The following NLK variants were observed in gnomAD, a reference collection of about 807,000 sequenced individuals.
NLK encodes the protein nemo like kinase.
NLK carries 11 observed loss-of-function variants against 59.0 expected under a neutral mutation model. That is an observed-to-expected ratio of 0.19 (90% confidence interval 0.12 to 0.31). The LOEUF (loss-of-function observed/expected upper bound fraction) is 0.31. Among genes scored for constraint, NLK ranks in the 10% least tolerant of loss-of-function variants. NLK has a pLI of 1.00. For missense variants in NLK, 410 were observed against 661.1 expected (o/e 0.62, Z 4.16); for synonymous variants, 235 against 235.9 (o/e 1.00, Z 0.03).
intron 1 of NLK, among the ~76,000 whole-genome samples, chr17:28,071,766 A>G (rs543835209): frequency 2.0e-5 from 3 of 152,230 alleles, no homozygotes; most frequent in South Asian, 4.1e-4. Flanking sequence ...TTGGCAGAAC[A>G]GGTCTGGAGA....
chr17:28,114,321 C>T (rs1275029253), intron 1 of NLK, among the ~76,000 whole-genome samples: 2 of 152,136 alleles, frequency 1.3e-5, no homozygotes, highest in African/African-American at 2.4e-5. Context: ...ATAATGTCAA[C>T]TTGTTTTCCA....
chr17:28,067,886 A>G (rs1713297793), intron 1 of NLK, among the ~76,000 whole-genome samples: 1 of 151,768 alleles, frequency 6.6e-6, no homozygotes, highest in Non-Finnish European at 1.5e-5. Context: ...CACACCTATA[A>G]TCCCAGCACT....
intron 3 of NLK, among the ~76,000 whole-genome samples, chr17:28,160,449 G>C (rs537127205): frequency 6.6e-6 from 1 of 152,002 alleles, no homozygotes; most frequent in African/African-American, 2.4e-5. Context: ...TATCTAACAC[G>C]TGCTTCACAA....
intron 1 of NLK, among the ~76,000 whole-genome samples, chr17:28,099,447 G>A (rs528584667): frequency 1.3e-5 from 2 of 152,108 alleles, no homozygotes; most frequent in Non-Finnish European, 2.9e-5. Flanking sequence ...CTCATCTGCA[G>A]CCCCAGGCAA....
At chr17:28,061,252 G>A (rs1364355168) in intron 1 of NLK, among the ~76,000 whole-genome samples, 1 of 152,126 alleles carries the variant, frequency 6.6e-6, no homozygotes, top group Non-Finnish European at 1.5e-5. Flanking sequence ...GTAATTCTAT[G>A]AGCTATTTTT....
intron 1 of NLK, among the ~76,000 whole-genome samples, chr17:28,115,837 A>G (rs926129126): frequency 1.3e-5 from 2 of 151,746 alleles, no homozygotes; most frequent in African/African-American, 4.8e-5. Flanking sequence ...CAGATATTAC[A>G]TATTTTTAAT....
At chr17:28,165,585 T>A (rs1025144246) in intron 5 of NLK, among the ~76,000 whole-genome samples, 34 of 152,222 alleles carry the variant, frequency 2.2e-4, no homozygotes, top group Non-Finnish European at 8.8e-5. Context: ...AAACATTTTT[T>A]AAAAATCAGT....
At chr17:28,204,355 C>A in the NLK span, among the ~76,000 whole-genome samples, 74 of 152,286 alleles carry the variant, frequency 4.9e-4, 2 homozygotes, top group South Asian at 0.015. Context: ...ATCTCACTCC[C>A]TTTAACCTGC....
chr17:28,123,187 T>C (rs546642438), intron 2 of NLK, among the ~76,000 whole-genome samples: 3 of 152,334 alleles, frequency 2.0e-5, no homozygotes, highest in East Asian at 1.9e-4. Context: ...TCAGGAAACG[T>C]TGAACCTATT....
chr17:28,137,716 G>A (rs1480740822), intron 3 of NLK, among the ~76,000 whole-genome samples: 2 of 151,776 alleles, frequency 1.3e-5, no homozygotes, highest in Non-Finnish European at 2.9e-5. Context: ...ATTTAGTGTG[G>A]GTTTTGAAAC....
At chr17:28,194,123 T>C (rs984945669) in intron 10 of NLK, among the ~76,000 whole-genome samples, 1 of 152,360 alleles carries the variant, frequency 6.6e-6, no homozygotes, top group South Asian at 2.1e-4. Flanking sequence ...TTTGAGAGGC[T>C]ACTTTTAAAT....
Position 28,134,414 on chromosome 17 carries a change from A to G in NLK, c.644+1739A>G, listed in dbSNP as rs527858503. Among the ~76,000 whole-genome samples the G allele has an allele frequency of 2.0e-5, 3 of 152,354 alleles. No individual in the cohort carries two copies. In the South Asian group the frequency reaches 6.2e-4, roughly 32 times the overall value. On this transcript the variant is annotated intron_variant, in intron 3 of 10. Transcript: ENST00000407008. ...AGACCTCGCCCTCCCGCCAAAAAAAAGTGATACAAATTAAAAAGCAATATA... is the reference window on the plus strand; with the variant it reads ...AGACCTCGCCCTCCCGCCAAAAAAAGGTGATACAAATTAAAAAGCAATATA...
At chr17:28,139,126 C>T (rs1352914399) in intron 3 of NLK, among the ~76,000 whole-genome samples, 7 of 152,044 alleles carry the variant, frequency 4.6e-5, no homozygotes, top group Admixed American at 3.3e-4. Flanking sequence ...TTTGGTGGCA[C>T]GTGCCAGTAA....
chr17:28,061,855 AAT>A (rs1008279917), intron 1 of NLK: 4 of 144,256 alleles, frequency 2.8e-5, no homozygotes, highest in African/African-American at 1.0e-4. Context: ...TATAATATAT[AAT>A]ATATACATAT....
chr17:28,111,900 T>G (rs1476091199), intron 1 of NLK, among the ~76,000 whole-genome samples: 2 of 99,598 alleles, frequency 2.0e-5, no homozygotes, highest in East Asian at 2.6e-4. Flanking sequence ...GTGTGTGGTG[T>G]GTGTGTGTGT....
In NLK at chr17:28,196,115, T is replaced by C; in HGVS notation, c.*1479T>C. The C allele has an allele frequency of 6.6e-6, 1 of 152,618 alleles. No individual in the cohort carries two copies. Among genetic ancestry groups the C allele is most frequent in the East Asian group, 1.9e-4 (1 of 5,206 alleles). The allele number at this position is 152,618 out of a possible 1,614,324, so 9.5% of individuals were successfully genotyped here. A position where few individuals can be genotyped will look rare whatever the true frequency, so the allele number is the denominator to read the frequency against. ...ACTTCAATGAAGTAATTATTTGCTG[T>C]GAAAGAAACAAACATTGAATTACTA... On this transcript the variant is annotated 3_prime_UTR_variant, in exon 11 of 11. Transcript: ENST00000407008.
chr17:28,103,336 T>C (rs1904966763), intron 1 of NLK, among the ~76,000 whole-genome samples: 1 of 152,236 alleles, frequency 6.6e-6, no homozygotes, highest in South Asian at 2.1e-4. Context: ...CTTTTTGCAC[T>C]CAAACTTTCT....
At chr17:28,189,473 G>A (rs1909237157) in intron 8 of NLK, among the ~76,000 whole-genome samples, 1 of 152,218 alleles carries the variant, frequency 6.6e-6, no homozygotes, top group African/African-American at 2.4e-5. Context: ...GCACAGTGGT[G>A]TAAGTGTGAA....
chr17:28,144,923 A>G (rs1907179796), intron 3 of NLK, among the ~76,000 whole-genome samples: 1 of 152,222 alleles, frequency 6.6e-6, no homozygotes, highest in Non-Finnish European at 1.5e-5. Flanking sequence ...ACCTCAGGAA[A>G]CTTAATAGAC....
Sources: allele counts gnomAD v4.1 joint callset (sites outside exome capture counted in the v4.1 genomes callset), GRCh38; gene constraint gnomAD v4.1.1; transcripts MANE v1.5; gene names NCBI Gene and HGNC (gene_info 2026-07-23, HGNC 2026-07-21).